Variants in LRRC37A2 observed in about 807,000 individuals in gnomAD.
LRRC37A2 encodes leucine-rich repeat-containing protein 37A2.
A neutral mutation model predicts 68.8 loss-of-function variants in LRRC37A2; 9 were observed. The observed-to-expected ratio is 0.13, with a 90% CI of 0.08 to 0.23. The LOEUF is 0.23. Ranked by LOEUF, LRRC37A2 falls within the 10% of genes least tolerant of loss-of-function variation. The pLI is 1.00. For synonymous variants in LRRC37A2, 63 were observed against 367.6 expected (o/e 0.17, Z 9.48); for missense variants, 168 against 950.4 (o/e 0.18, Z 10.82).
the LRRC37A2 span, among the ~76,000 whole-genome samples, chr17:46,950,221 C>A: frequency 2.6e-5 from 4 of 152,216 alleles, no homozygotes; most frequent in Non-Finnish European, 5.9e-5. Flanking sequence ...CTTCTCGTTC[C>A]TATCCCTCAC....
At chr17:46,802,930 G>A in the LRRC37A2 span, among the ~76,000 whole-genome samples, 1 of 152,180 alleles carries the variant, frequency 6.6e-6, no homozygotes, top group Admixed American at 6.5e-5. Context: ...CAAGGAGGAA[G>A]TCACAGGAAC....
chr17:46,542,628 G>A (rs1445940006), intron 8 of LRRC37A2, among the ~76,000 whole-genome samples: 2 of 150,324 alleles, frequency 1.3e-5, no homozygotes, highest in African/African-American at 2.5e-5. Context: ...CCAGGAGGTG[G>A]AGGTTGCAGT....
the LRRC37A2 span, among the ~76,000 whole-genome samples, chr17:46,842,494 C>T: frequency 6.6e-6 from 1 of 152,154 alleles, no homozygotes; most frequent in South Asian, 2.1e-4. Context: ...CCTGCCTCAG[C>T]CTCCCGAGTA....
chr17:46,631,061 TACACACACACACACAC>T, the LRRC37A2 span, among the ~76,000 whole-genome samples: 6 of 122,852 alleles, frequency 4.9e-5, no homozygotes, highest in African/African-American at 2.3e-4. Context: ...TCTCTCTCTG[TACACACACACACACAC>T]ACACACACAC....
chr17:46,941,956 G>A, the LRRC37A2 span: 1 of 985,132 alleles, frequency 1.0e-6, no homozygotes, highest in Non-Finnish European at 1.2e-6. Flanking sequence ...TCTCAAAGAT[G>A]ATCACATTGG....
At chr17:46,384,050 T>C in the LRRC37A2 span, among the ~76,000 whole-genome samples, 41 of 78,814 alleles carry the variant, frequency 5.2e-4, 3 homozygotes, top group African/African-American at 1.4e-3. Flanking sequence ...TGATTTGCAA[T>C]GCTATCTCTG....
the LRRC37A2 span, among the ~76,000 whole-genome samples, chr17:46,795,697 T>C: frequency 6.6e-6 from 1 of 152,222 alleles, no homozygotes; most frequent in Admixed American, 6.5e-5. Context: ...TCTGCGGCAC[T>C]GCTGACTCAC....
At chr17:46,952,755 C>T in the LRRC37A2 span, 3 of 152,092 alleles carry the variant, frequency 2.0e-5, no homozygotes, top group African/African-American at 7.2e-5. Flanking sequence ...CAGTTAAGTC[C>T]CTGGATTGAG....
At chr17:46,893,279 T>C in the LRRC37A2 span, among the ~76,000 whole-genome samples, 24 of 152,198 alleles carry the variant, frequency 1.6e-4, no homozygotes, top group Non-Finnish European at 2.1e-4. Flanking sequence ...AGTAGGTTCC[T>C]GTATTCAAAT....
At chr17:46,969,046 T>G in the LRRC37A2 span, 1 of 152,684 alleles carries the variant, frequency 6.5e-6, no homozygotes, top group Non-Finnish European at 1.5e-5. Context: ...CGTACTGAGC[T>G]TCTCATGCTG....
the LRRC37A2 span, among the ~76,000 whole-genome samples, chr17:46,810,661 C>G: frequency 4.6e-5 from 7 of 152,086 alleles, no homozygotes; most frequent in African/African-American, 1.7e-4. Context: ...CTGCACCCCC[C>G]ACCCTTCCCT....
At chr17:46,851,326 G>T in the LRRC37A2 span, among the ~76,000 whole-genome samples, 1 of 151,720 alleles carries the variant, frequency 6.6e-6, no homozygotes, top group Non-Finnish European at 1.5e-5. This position sits in a 1 kb window ranked among gnomAD's most constrained non-coding sequence, Gnocchi z 4.3. Flanking sequence ...GGGGCTTCAC[G>T]TTCAGCCACC....
chr17:46,733,114 T>C, the LRRC37A2 span, among the ~76,000 whole-genome samples: 3 of 152,188 alleles, frequency 2.0e-5, no homozygotes, highest in Non-Finnish European at 1.5e-5. Flanking sequence ...AAGACACCCC[T>C]CCTTCCAGTG....
At chr17:46,887,526 A>G in the LRRC37A2 span, among the ~76,000 whole-genome samples, 1 of 152,136 alleles carries the variant, frequency 6.6e-6, no homozygotes, top group Non-Finnish European at 1.5e-5. Context: ...GCATTTTGGA[A>G]GGCTGAGGTG....
the LRRC37A2 span, among the ~76,000 whole-genome samples, chr17:47,038,976 G>C: frequency 6.9e-6 from 1 of 145,054 alleles, no homozygotes; most frequent in African/African-American, 2.5e-5. Context: ...TTACAGGCCT[G>C]AGCCACTGCG....
At chr17:47,017,770 G>A in the LRRC37A2 span, 9 of 1,610,524 alleles carry the variant, frequency 5.6e-6, no homozygotes, top group Non-Finnish European at 7.6e-6. Context: ...CCGTATCCCG[G>A]TAGCCTGCCT....
At chr17:46,839,977 TCTTCTTTCTTTCTTTTTTCTTTC>T in the LRRC37A2 span, among the ~76,000 whole-genome samples, 5 of 119,284 alleles carry the variant, frequency 4.2e-5, no homozygotes, top group African/African-American at 1.6e-4. Context: ...TCTTTCTTTC[TCTTCTTTCTTTCTTTTTTCTTTC>T]TTCTTTCTTT....
the LRRC37A2 span, among the ~76,000 whole-genome samples, chr17:46,952,252 TC>T: frequency 3.9e-5 from 6 of 152,198 alleles, no homozygotes; most frequent in Non-Finnish European, 7.3e-5. Flanking sequence ...GAGGGCTGCC[TC>T]CTCCAGCAGG....
At chr17:46,463,416 A>AGGATGTT in the LRRC37A2 span, among the ~76,000 whole-genome samples, 26 of 106,198 alleles carry the variant, frequency 2.4e-4, 8 homozygotes, top group Non-Finnish European at 5.4e-4. Flanking sequence ...GACATGTACC[A>AGGATGTT]GGATGTTGAT....
Sources: gnomAD v4.1 joint callset for allele counts (sites outside exome capture counted in the v4.1 genomes callset) on GRCh38, gnomAD v4.1.1 for gene constraint, Gnocchi (gnomAD v3.1) non-coding constraint, MANE v1.5 for transcripts, NCBI Gene and HGNC (gene_info 2026-07-23, HGNC 2026-07-21) for gene names.